The following MYRIP variants were observed in gnomAD, a reference collection of about 807,000 sequenced individuals.
The protein encoded by MYRIP is rab effector MyRIP.
In MYRIP, 49 loss-of-function variants were observed where a neutral mutation model predicts 98.0. That is an observed-to-expected ratio of 0.50 (90% CI 0.40 to 0.63). The LOEUF (loss-of-function observed/expected upper bound fraction) is 0.63. MYRIP is among the 30% of genes least tolerant of loss of function. The probability of loss-of-function intolerance (pLI) is 0.00; values close to 1 mark genes in which losing one functional copy is unlikely to be tolerated. For missense variants in MYRIP, 1,004 were observed against 1,058.2 expected (o/e 0.95, Z 0.71); for synonymous variants, 404 against 409.5 (o/e 0.99, Z 0.16).
intron 2 of MYRIP, among the ~76,000 whole-genome samples, chr3:40,000,155 A>T (rs1232473213): frequency 6.6e-5 from 10 of 152,174 alleles, no homozygotes; most frequent in Admixed American, 6.5e-4. Flanking sequence ...GTGCACATGT[A>T]CCCTAAAACT....
chr3:40,019,144 T>C (rs1018999563), intron 2 of MYRIP, among the ~76,000 whole-genome samples: 5 of 152,182 alleles, frequency 3.3e-5, no homozygotes, highest in Non-Finnish European at 7.3e-5. Context: ...GATTGATAGT[T>C]TCATTGCCCA....
chr3:39,907,334 C>G (rs2125677006), intron 2 of MYRIP, among the ~76,000 whole-genome samples: 1 of 152,286 alleles, frequency 6.6e-6, no homozygotes, highest in African/African-American at 2.4e-5. Context: ...ACAGTGCTCA[C>G]CAAATATCTT....
intron 2 of MYRIP, among the ~76,000 whole-genome samples, chr3:39,958,671 T>C (rs1945239736): frequency 1.3e-5 from 2 of 152,072 alleles, no homozygotes; most frequent in Admixed American, 1.3e-4. Flanking sequence ...AAGCCAAAAT[T>C]GACAAATGGG....
Position 40,019,400 on chromosome 3 carries a change from G to A in MYRIP, c.111-24650G>A, listed in dbSNP as rs372517649. On this transcript the variant is annotated intron_variant, in intron 2 of 16. Coordinates refer to ENST00000302541, the MANE Select transcript of MYRIP (RefSeq NM_015460.4). The stretch of plus-strand genomic sequence containing the variant: ...CTACAATATCCTGCTCCATTCTCCT[G>A]CTAGTGAACTCCTGCACATCCTTCC... Among the ~76,000 whole-genome samples, 18 of 152,208 alleles carry A rather than the reference G, an allele frequency of 1.2e-4. No homozygotes were observed. The South Asian group carries it at 3.7e-3, about 32-fold the overall frequency.
intron 2 of MYRIP, among the ~76,000 whole-genome samples, chr3:40,037,407 C>T (rs1947407375): frequency 6.6e-6 from 1 of 152,018 alleles, no homozygotes. Flanking sequence ...GGCAGGTTTG[C>T]ATGGCCTAGT....
chr3:40,249,524 A>C (rs79920199), intron 13 of MYRIP, among the ~76,000 whole-genome samples: 19 of 152,334 alleles, frequency 1.2e-4, no homozygotes, highest in South Asian at 6.2e-4. Context: ...CCTGGCACAT[A>C]ATAATGCCCT....
chr3:39,843,350 T>G (rs1941861397), intron 1 of MYRIP, among the ~76,000 whole-genome samples: 1 of 152,176 alleles, frequency 6.6e-6, no homozygotes, highest in Non-Finnish European at 1.5e-5. Context: ...ATTTCAACTT[T>G]CACTATATTG....
rs973877838 is a variant in MYRIP, at chr3:39,975,051, C to T, written c.111-68999C>T. Among the ~76,000 whole-genome samples the T allele has an allele frequency of 6.0e-4, 91 of 152,232 alleles. 1 individual carries two copies. Among genetic ancestry groups the T allele is most frequent in the African/African-American group, 2.0e-3 (83 of 41,540 alleles). ...TGTTGGAAGTTCTGGCCAGGGCAAT[C>T]AGGCAGGAGAAGGAAATAAAGGGTA... is the stretch of plus-strand genomic sequence containing the variant. On this transcript the variant is annotated intron_variant, in intron 2 of 16. Transcript: ENST00000302541.
chr3:40,007,841 C>T (rs530508702), intron 2 of MYRIP, among the ~76,000 whole-genome samples: 1 of 152,316 alleles, frequency 6.6e-6, no homozygotes, highest in African/African-American at 2.4e-5. Context: ...GGAGGTCAGT[C>T]TTTTTCTTAA....
intron 1 of MYRIP, among the ~76,000 whole-genome samples, chr3:39,888,749 A>C (rs995059217): frequency 6.6e-6 from 1 of 152,208 alleles, no homozygotes; most frequent in African/African-American, 2.4e-5. Flanking sequence ...GGCAACCTAC[A>C]AAATGGGAGA....
intron 13 of MYRIP, among the ~76,000 whole-genome samples, chr3:40,246,149 AAGTG>A (rs1023480744): frequency 6.3e-4 from 96 of 152,158 alleles, no homozygotes; most frequent in African/African-American, 2.2e-3. Flanking sequence ...AAAATGACTG[AAGTG>A]AGTCTCAATC....
chr3:40,212,010 C>T (rs1951944550), intron 11 of MYRIP, among the ~76,000 whole-genome samples: 1 of 151,340 alleles, frequency 6.6e-6, no homozygotes, highest in African/African-American at 2.4e-5. Context: ...TCAAGTCTTG[C>T]CTTCCTAGTC....
intron 3 of MYRIP, among the ~76,000 whole-genome samples, chr3:40,074,299 C>T (rs1210412155): frequency 2.0e-5 from 3 of 152,020 alleles, no homozygotes; most frequent in African/African-American, 7.2e-5. Context: ...TGGTTTCGAT[C>T]TCCTGACCTC....
chr3:39,856,740 G>C (rs544745703), intron 1 of MYRIP, among the ~76,000 whole-genome samples: 21 of 152,296 alleles, frequency 1.4e-4, no homozygotes, highest in African/African-American at 5.1e-4. Context: ...CCATCCATCT[G>C]ATGGCCCCTG....
chr3:40,246,292 G>GAA (rs1051394445), intron 13 of MYRIP, among the ~76,000 whole-genome samples: 4 of 152,102 alleles, frequency 2.6e-5, no homozygotes, highest in African/African-American at 9.7e-5. Context: ...ATTTAAAGGG[G>GAA]AAAAGTGGGC....
At chr3:40,132,999 TA>T (rs375792045) in intron 3 of MYRIP, among the ~76,000 whole-genome samples, 68 of 152,346 alleles carry the variant, frequency 4.5e-4, no homozygotes, top group African/African-American at 1.6e-3. Context: ...TGGTGGGAAC[TA>T]ACAAAACTGT....
intron 1 of MYRIP, among the ~76,000 whole-genome samples, chr3:39,874,552 G>C (rs543634172): frequency 4.6e-5 from 7 of 152,216 alleles, no homozygotes; most frequent in South Asian, 2.1e-4. Context: ...TAGTATGAAG[G>C]GTTGTTGAAT....
Position 40,243,667 on chromosome 3 carries a change from T to TG in MYRIP, c.2101-772dup, listed in dbSNP as rs1177386706. On this transcript the variant is annotated intron_variant, in intron 12 of 16. Transcript: ENST00000302541. ...TGCTTCATCACAGTATTGATTAGGATGGGGGGGTATTTGTTTCATTCACCC... is the reference window on the plus strand; with the variant it reads ...TGCTTCATCACAGTATTGATTAGGATGGGGGGGGTATTTGTTTCATTCACCC... 3.3e-5 allele frequency among the ~76,000 whole-genome samples: 5 copies of TG among 152,168 alleles called. No individual in the cohort carries two copies. The South Asian group carries it at 8.3e-4, about 25-fold the overall frequency.
intron 1 of MYRIP, among the ~76,000 whole-genome samples, chr3:39,876,170 CT>C (rs1201985077): frequency 6.6e-6 from 1 of 151,986 alleles, no homozygotes; most frequent in African/African-American, 2.4e-5. Context: ...CAACCCCTGC[CT>C]TTTTTTGTTT....
Sources: allele counts gnomAD v4.1 joint callset (sites outside exome capture counted in the v4.1 genomes callset), GRCh38; gene constraint gnomAD v4.1.1; transcripts MANE v1.5; gene names NCBI Gene and HGNC (gene_info 2026-07-23, HGNC 2026-07-21).